Variants in LHFPL6 observed in about 807,000 individuals in gnomAD.
LHFPL6 encodes LHFPL tetraspan subfamily member 6, also known as LHFPL tetraspan subfamily member 6 protein.
A neutral mutation model predicts 20.6 loss-of-function variants in LHFPL6; 9 were observed. The observed-to-expected ratio is 0.44, with a 90% CI of 0.26 to 0.76. The LOEUF is 0.76. Among genes scored for constraint, LHFPL6 ranks in the 30% least tolerant of loss-of-function variants. The pLI is 0.20. For missense variants in LHFPL6, 218 were observed against 253.5 expected (o/e 0.86, Z 0.95); for synonymous variants, 105 against 98.7 (o/e 1.06, Z -0.38).
intron 3 of LHFPL6, among the ~76,000 whole-genome samples, chr13:39,367,203 A>T (rs990930476): frequency 2.6e-5 from 4 of 152,194 alleles, no homozygotes; most frequent in African/African-American, 7.2e-5. Flanking sequence ...GACACAGGGG[A>T]TCACTAGAGT....
At chr13:39,445,894 T>C (rs947138505) in intron 2 of LHFPL6, among the ~76,000 whole-genome samples, 1 of 152,174 alleles carries the variant, frequency 6.6e-6, no homozygotes, top group Non-Finnish European at 1.5e-5. Context: ...CTTTTTTTCC[T>C]GTGGTACTTT....
chr13:39,535,943 A>G (rs2138499199), intron 2 of LHFPL6, among the ~76,000 whole-genome samples: 1 of 152,320 alleles, frequency 6.6e-6, no homozygotes, highest in East Asian at 1.9e-4. Flanking sequence ...GAATAAATGT[A>G]ATCAACCACT....
chr13:39,348,569 G>A (rs1462124765), intron 3 of LHFPL6, among the ~76,000 whole-genome samples: 1 of 152,158 alleles, frequency 6.6e-6, no homozygotes, highest in Non-Finnish European at 1.5e-5. Flanking sequence ...CTTCCCCACT[G>A]TTTTTTCCTT....
chr13:39,533,328 T>A (rs1280891466), intron 2 of LHFPL6, among the ~76,000 whole-genome samples: 1 of 152,174 alleles, frequency 6.6e-6, no homozygotes, highest in East Asian at 1.9e-4. Context: ...TCCAGGGTGG[T>A]AGGATGGCTC....
In LHFPL6 at chr13:39,411,289, G is replaced by T. The variant is rs565806525; in HGVS notation, c.386-32763C>A. The stretch of plus-strand genomic sequence containing the variant: ...AGAAGTTTTTCTAATTGGCAAAACG[G>T]GTATAAGAGGTGGGGGTTTTTGTTA... On this transcript the variant is annotated intron_variant, in intron 2 of 3. Coordinates refer to ENST00000379589, the MANE Select transcript of LHFPL6 (RefSeq NM_005780.3). Among the ~76,000 whole-genome samples, 51 of 152,276 alleles carry T rather than the reference G, an allele frequency of 3.3e-4. 1 individual carries two copies. Among genetic ancestry groups the T allele is most frequent in the Non-Finnish European group, 3.7e-4 (25 of 68,030 alleles).
chr13:39,354,861 A>C (rs1417634470), intron 3 of LHFPL6, among the ~76,000 whole-genome samples: 1 of 151,958 alleles, frequency 6.6e-6, no homozygotes, highest in African/African-American at 2.4e-5. Context: ...AATAAAGAAA[A>C]AGGATGAAAA....
intron 2 of LHFPL6, among the ~76,000 whole-genome samples, chr13:39,571,745 G>A (rs1030013422): frequency 6.6e-6 from 1 of 152,254 alleles, no homozygotes; most frequent in Non-Finnish European, 1.5e-5. Flanking sequence ...TCCGTGGACA[G>A]TGGAATTTAA....
Position 39,520,639 on chromosome 13 carries a change from T to C in LHFPL6, c.385+80193A>G, listed in dbSNP as rs541233709. ...TGGTCAAAGGTGGGATTTGAGTCTTTGACGCTGGTAGAGAAATGAGCTATC... is the reference window on the plus strand; with the variant it reads ...TGGTCAAAGGTGGGATTTGAGTCTTCGACGCTGGTAGAGAAATGAGCTATC... On this transcript the variant is annotated intron_variant, in intron 2 of 3. Coordinates refer to ENST00000379589, the MANE Select transcript of LHFPL6 (RefSeq NM_005780.3). Among the ~76,000 whole-genome samples the C allele has an allele frequency of 9.8e-5, 15 of 152,292 alleles. No homozygotes were observed. In the South Asian group the frequency reaches 3.1e-3, roughly 32 times the overall value.
At chr13:39,471,528 G>A (rs1872946418) in intron 2 of LHFPL6, among the ~76,000 whole-genome samples, 1 of 152,194 alleles carries the variant, frequency 6.6e-6, no homozygotes, top group South Asian at 2.1e-4. Context: ...CTGTAAAAGT[G>A]GTTGCCGTTA....
At chr13:39,532,616 A>C (rs894276643) in intron 2 of LHFPL6, among the ~76,000 whole-genome samples, 13 of 152,160 alleles carry the variant, frequency 8.5e-5, no homozygotes, top group African/African-American at 3.1e-4. Flanking sequence ...GGTGTCTTCT[A>C]TGAGTTAAAG....
At chr13:39,514,186 G>A (rs1049889635) in intron 2 of LHFPL6, among the ~76,000 whole-genome samples, 2 of 151,932 alleles carry the variant, frequency 1.3e-5, no homozygotes, top group Admixed American at 1.3e-4. Flanking sequence ...TAATCAGAAG[G>A]GACTAAAGTC....
chr13:39,539,342 A>C (rs1870724890), intron 2 of LHFPL6, among the ~76,000 whole-genome samples: 1 of 152,198 alleles, frequency 6.6e-6, no homozygotes, highest in Non-Finnish European at 1.5e-5. Flanking sequence ...TGCTTATAAA[A>C]TGAAATAACC....
In LHFPL6 at chr13:39,571,825, C is replaced by CCTCAAGGT. The variant is rs1460949114; in HGVS notation, c.385+28999_385+29006dup. ...CCTCACAGGGGCGCCACCACATTCCCCTCAAGGTGACATGCCTGGTCTGGC... is the reference window on the plus strand; with the variant it reads ...CCTCACAGGGGCGCCACCACATTCCCCTCAAGGTCTCAAGGTGACATGCCTGGTCTGGC... On this transcript the variant is annotated intron_variant, in intron 2 of 3. Transcript: ENST00000379589. Among the ~76,000 whole-genome samples, 10 of 152,362 alleles carry CCTCAAGGT rather than the reference C, an allele frequency of 6.6e-5. No individual in the cohort carries two copies. In the South Asian group the frequency reaches 2.1e-3, roughly 32 times the overall value.
chr13:39,455,812 A>T (rs1013358856), intron 2 of LHFPL6, among the ~76,000 whole-genome samples: 1 of 152,250 alleles, frequency 6.6e-6, no homozygotes, highest in Non-Finnish European at 1.5e-5. Flanking sequence ...TAACCACATT[A>T]AAGTCACACA....
At chr13:39,566,286 G>T (rs892810772) in intron 2 of LHFPL6, among the ~76,000 whole-genome samples, 1 of 152,164 alleles carries the variant, frequency 6.6e-6, no homozygotes, top group African/African-American at 2.4e-5. Context: ...TTTTTGTTAA[G>T]TTCTAATAAG....
intron 2 of LHFPL6, among the ~76,000 whole-genome samples, chr13:39,474,897 G>A (rs1408131334): frequency 6.6e-6 from 1 of 152,158 alleles, no homozygotes; most frequent in Admixed American, 6.5e-5. Flanking sequence ...GGGCCTTCTA[G>A]GTGGCAGTGG....
chr13:39,405,418 C>G lies in LHFPL6; in HGVS notation c.386-26892G>C, dbSNP rs150563699. ...TCATCTTTACTTAATTTTGATCAAGCATTTGGGATAATATTTAAATGATTA... is the reference window on the plus strand; with the variant it reads ...TCATCTTTACTTAATTTTGATCAAGGATTTGGGATAATATTTAAATGATTA... On this transcript the variant is annotated intron_variant, in intron 2 of 3. Transcript: ENST00000379589. Among the ~76,000 whole-genome samples, 351 of 152,290 alleles carry G rather than the reference C, an allele frequency of 2.3e-3. 1 individual carries two copies. The highest frequency in any genetic ancestry group is 4.2e-3 in the African/African-American group (174 of 41,560).
At chr13:39,582,494 G>T (rs1161491997) in intron 2 of LHFPL6, among the ~76,000 whole-genome samples, 1 of 152,150 alleles carries the variant, frequency 6.6e-6, no homozygotes, top group Non-Finnish European at 1.5e-5. Context: ...TGATCATGTG[G>T]CTACCACAGC....
At chr13:39,363,216 G>C (rs1375513604) in intron 3 of LHFPL6, among the ~76,000 whole-genome samples, 1 of 152,164 alleles carries the variant, frequency 6.6e-6, no homozygotes, top group Non-Finnish European at 1.5e-5. Flanking sequence ...GGGAGGCAGG[G>C]ATTAGAGGAA....
Sources: gnomAD v4.1 joint callset for allele counts (sites outside exome capture counted in the v4.1 genomes callset) on GRCh38, gnomAD v4.1.1 for gene constraint, MANE v1.5 for transcripts, NCBI Gene and HGNC (gene_info 2026-07-23, HGNC 2026-07-21) for gene names.